BCLAF1: variants seen among roughly 807,000 people sequenced by gnomAD.
BCLAF1 encodes BCL2 associated transcription factor 1, also known as bcl-2-associated transcription factor 1.
A neutral mutation model predicts 99.5 loss-of-function variants in BCLAF1; 10 were observed. The observed-to-expected ratio is 0.10, with a 90% CI of 0.06 to 0.17. The LOEUF (loss-of-function observed/expected upper bound fraction) is 0.17. BCLAF1 is among the 10% of genes least tolerant of loss of function. The pLI is 1.00. For missense variants in BCLAF1, 636 were observed against 1,105.8 expected (o/e 0.58, Z 6.02); for synonymous variants, 255 against 370.9 (o/e 0.69, Z 3.59).
chr6:136,263,265 G>A (rs1781265824), intron 11 of BCLAF1, among the ~76,000 whole-genome samples: 1 of 152,026 alleles, frequency 6.6e-6, no homozygotes, highest in Non-Finnish European at 1.5e-5. Flanking sequence ...ATATCTTGGT[G>A]GCAGTATATG....
In BCLAF1 at chr6:136,259,846, A is replaced by G. The variant is rs1378446474; in HGVS notation, c.*1264T>C. 6.6e-6 allele frequency: 1 copy of G among 152,064 alleles called. No individual in the cohort carries two copies. The highest frequency in any genetic ancestry group is 1.5e-5 in the Non-Finnish European group (1 of 67,922). The allele number at this position is 152,064 out of a possible 1,614,324, so 9.4% of individuals were successfully genotyped here. On this transcript the variant is annotated 3_prime_UTR_variant, in exon 13 of 13. Transcript: ENST00000531224. ...GTGTCTACTTTTATATATGCCCATA[A>G]AGCAGACACTTAACATTGAAATTTA... is the stretch of plus-strand genomic sequence containing the variant.
chr6:136,281,310 A>C (rs915622420), intron 2 of BCLAF1, among the ~76,000 whole-genome samples: 1 of 152,198 alleles, frequency 6.6e-6, no homozygotes, highest in Non-Finnish European at 1.5e-5. Flanking sequence ...TAAATTTAGC[A>C]TTAACATAAG....
At chr6:136,270,838 C>T (rs1342137301) in intron 8 of BCLAF1, among the ~76,000 whole-genome samples, 2 of 151,670 alleles carry the variant, frequency 1.3e-5, no homozygotes, top group African/African-American at 2.4e-5. Context: ...TGTCAGAGCA[C>T]GAGGACAGAC....
At chr6:136,269,046 T>C in intron 9 of BCLAF1, 1 of 951,216 alleles carries the variant, frequency 1.1e-6, no homozygotes, top group Non-Finnish European at 1.3e-6. Flanking sequence ...ATCTCTCCCA[T>C]GTTAAACCAC....
chr6:136,261,126 G>C lies in BCLAF1; in HGVS notation c.2758-11C>G. 6 of 1,576,500 alleles carry C rather than the reference G, an allele frequency of 3.8e-6. No individual in the cohort carries two copies. The highest frequency in any genetic ancestry group is 5.2e-6 in the Non-Finnish European group (6 of 1,160,930). Reference sequence around the variant, plus strand: ...TCATATTTATTATTCCTAAAAGAGAGAGAAAAAATTAAAGATTAACAAAAG... The same window carrying C: ...TCATATTTATTATTCCTAAAAGAGACAGAAAAAATTAAAGATTAACAAAAG... On this transcript the variant is annotated splice_polypyrimidine_tract_variant and intron_variant, in intron 12 of 12. Coordinates refer to ENST00000531224, the MANE Select transcript of BCLAF1 (RefSeq NM_014739.3).
chr6:136,256,885 T>C lies in BCLAF1; in HGVS notation c.*4225A>G, dbSNP rs1347449744. On this transcript the variant is annotated 3_prime_UTR_variant, in exon 13 of 13. Transcript: ENST00000531224. ...CTGGAGGGTGAGTGGTATTTTTTAT[T>C]TATTGTTGCTCTTCGCATTCCATGA... The C allele has an allele frequency of 6.6e-6, 1 of 152,122 alleles. No individual in the cohort carries two copies. 9.4% of individuals were successfully genotyped at this position (152,122 alleles called of 1,614,324 possible).
intron 11 of BCLAF1, among the ~76,000 whole-genome samples, chr6:136,263,471 C>T (rs1781299257): frequency 6.6e-6 from 1 of 152,146 alleles, no homozygotes; most frequent in South Asian, 2.1e-4. Flanking sequence ...TGATGCTAAA[C>T]ATATTCTTAA....
chr6:136,269,392 G>A (rs1421289549), intron 9 of BCLAF1, 45 bp downstream of exon 9: 6 of 1,582,122 alleles, frequency 3.8e-6, no homozygotes, highest in Non-Finnish European at 5.2e-6. Flanking sequence ...ATTATTAAAG[G>A]CTAATTAGAA....
chr6:136,271,784 G>A lies in BCLAF1; in HGVS notation c.2043+211C>T, dbSNP rs1483033309. Reference sequence around the variant, plus strand: ...TTTTTTTTCCTTTCATTAGTGTTTTGAAAAAACACTCTTGGTTTAAATTTA... The same window carrying A: ...TTTTTTTTCCTTTCATTAGTGTTTTAAAAAAACACTCTTGGTTTAAATTTA... On this transcript the variant is annotated intron_variant, in intron 8 of 12. Transcript: ENST00000531224. The A allele has an allele frequency of 1.7e-5, 6 of 353,536 alleles. No individual in the cohort carries two copies. The Admixed American group carries it at 2.8e-4, about 17-fold the overall frequency. The allele number at this position is 353,536 out of a possible 1,614,324, so 21.9% of individuals were successfully genotyped here. A position where few individuals can be genotyped will look rare whatever the true frequency, so the allele number is the denominator to read the frequency against.
intron 11 of BCLAF1, 122 bp downstream of exon 11, chr6:136,266,907 A>T: frequency 4.7e-6 from 6 of 1,269,038 alleles, no homozygotes; most frequent in Non-Finnish European, 6.5e-6. Flanking sequence ...ATTATTTTAA[A>T]AAAGGTTTCC....
intron 2 of BCLAF1, among the ~76,000 whole-genome samples, chr6:136,281,234 G>A (rs1016303822): frequency 6.6e-6 from 1 of 152,066 alleles, no homozygotes; most frequent in African/African-American, 2.4e-5. Flanking sequence ...AATACATAAA[G>A]ACAGAAACAA....
chr6:136,261,621 T>A, intron 11 of BCLAF1, 144 bp from the exon 12 acceptor site: 1 of 827,676 alleles, frequency 1.2e-6, no homozygotes, highest in Non-Finnish European at 1.8e-6. Flanking sequence ...ACAAAACCAG[T>A]AAAACTGAAT....
At chr6:136,265,304 A>T (rs779353160) in intron 11 of BCLAF1, among the ~76,000 whole-genome samples, 1 of 152,132 alleles carries the variant, frequency 6.6e-6, no homozygotes, top group Non-Finnish European at 1.5e-5. Context: ...TCCACTGGAC[A>T]GCTCCATTTC....
chr6:136,268,316 T>C lies in BCLAF1; in HGVS notation c.2243A>G (p.His748Arg), dbSNP rs370627645. 47 of 1,606,854 alleles carry C rather than the reference T, an allele frequency of 2.9e-5. No individual in the cohort carries two copies. Among genetic ancestry groups the C allele is most frequent in the Non-Finnish European group, 3.8e-5 (45 of 1,177,258 alleles). The change falls in exon 10 of 13, where the codon CAT becomes CGT. Residue 748 changes from histidine (H) to arginine (R), a missense_variant. Transcript: ENST00000531224. ...TGCTGAAGAGGATGAAGATCGAGAA[T>C]GATCTTGCTCTCTTTTATGTTTACT... ...DDSKHKREQDHSRSSSSSASP... is the reference protein window; with the variant it reads ...DDSKHKREQDRSRSSSSSASP...
chr6:136,274,595 G>GC (rs1782998722), intron 6 of BCLAF1, among the ~76,000 whole-genome samples: 1 of 151,892 alleles, frequency 6.6e-6, no homozygotes, highest in Non-Finnish European at 1.5e-5. Flanking sequence ...ACTGCTAGAG[G>GC]CAAGTTTCAT....
At chr6:136,279,730 A>G in intron 3 of BCLAF1, 33 bp downstream of exon 3, 1 of 1,500,714 alleles carries the variant, frequency 6.7e-7, no homozygotes, top group South Asian at 1.4e-5. Context: ...AACTGATATA[A>G]TTATTTTAAA....
chr6:136,269,073 A>G, intron 9 of BCLAF1: 1 of 1,101,764 alleles, frequency 9.1e-7, no homozygotes. Context: ...TCAGTTTAAA[A>G]TTCTTGTACT....
Position 136,261,065 on chromosome 6 carries a change from T to C in BCLAF1, c.*45A>G, listed in dbSNP as rs74299323. On this transcript the variant is annotated 3_prime_UTR_variant, in exon 13 of 13. Coordinates refer to ENST00000531224, the MANE Select transcript of BCLAF1 (RefSeq NM_014739.3). ...GAAAACAAAAATCAGGTAAAAAAAATGGTGGGTGCAAGTTCTGCTCTGTTG... is the reference window on the plus strand; with the variant it reads ...GAAAACAAAAATCAGGTAAAAAAAACGGTGGGTGCAAGTTCTGCTCTGTTG... 2 of 1,508,708 alleles carry C rather than the reference T, an allele frequency of 1.3e-6. No individual in the cohort carries two copies. The highest frequency in any genetic ancestry group is 8.9e-7 in the Non-Finnish European group (1 of 1,123,230). The allele number at this position is 1,508,708 out of a possible 1,614,324, so 93.5% of individuals were successfully genotyped here.
chr6:136,261,592 T>C, intron 11 of BCLAF1, 115 bp from the exon 12 acceptor site: 1 of 1,094,124 alleles, frequency 9.1e-7, no homozygotes, highest in East Asian at 2.4e-5. Flanking sequence ...AGATTGGTAA[T>C]ATTCTAAAAC....
Sources: gnomAD v4.1 joint callset for allele counts (sites outside exome capture counted in the v4.1 genomes callset) on GRCh38, gnomAD v4.1.1 for gene constraint, MANE v1.5 for transcripts, NCBI Gene and HGNC (gene_info 2026-07-23, HGNC 2026-07-21) for gene names.